ATP6V1B1: variants seen among roughly 807,000 people sequenced by gnomAD.
ATP6V1B1 encodes ATPase H+ transporting V1 subunit B1.
In ATP6V1B1, 41 loss-of-function variants were observed where a neutral mutation model predicts 62.1. The observed-to-expected ratio is 0.66, with a 90% CI of 0.51 to 0.86. ATP6V1B1 has a LOEUF of 0.86. ATP6V1B1 is among the 40% of genes least tolerant of loss of function. The pLI, the probability that ATP6V1B1 is intolerant of heterozygous loss-of-function variation, is 0.00. For missense variants in ATP6V1B1, 651 were observed against 697.5 expected, an observed-to-expected ratio of 0.93 and a Z score of 0.75; for synonymous variants, 253 against 273.4, an observed-to-expected ratio of 0.93 and a Z score of 0.74.
chr2:70,945,481 G>A (rs549187046), intron 2 of ATP6V1B1, among the ~76,000 whole-genome samples: 1 of 145,638 alleles, frequency 6.9e-6, no homozygotes, highest in African/African-American at 2.5e-5. Context: ...AGTTGGACAA[G>A]AGGATAGAGT....
chr2:70,946,938 G>A (rs1680190175), intron 2 of ATP6V1B1, among the ~76,000 whole-genome samples: 1 of 152,172 alleles, frequency 6.6e-6, no homozygotes, highest in African/African-American at 2.4e-5. Context: ...ATAATTGGGT[G>A]GTGGAGGCAC....
At position 70,943,648 on chromosome 2, in the gene ATP6V1B1, C is replaced by A; in HGVS notation, c.119-10C>A. On this transcript the variant is annotated splice_polypyrimidine_tract_variant and intron_variant, in intron 1 of 13. Coordinates refer to ENST00000234396, the MANE Select transcript of ATP6V1B1 (RefSeq NM_001692.4). ...GGTGAGACCCCTACTCACCCCCGCC[C>A]CTCCCCCAGCCTACAGGACTGTGTG... 6.2e-7 allele frequency: 1 copy of A among 1,613,626 alleles called. No homozygotes were observed. The highest frequency in any genetic ancestry group is 8.5e-7 in the Non-Finnish European group (1 of 1,179,854).
At chr2:70,955,878 T>C (rs1414212077) in intron 2 of ATP6V1B1, 1 of 154,502 alleles carries the variant, frequency 6.5e-6, no homozygotes, top group Non-Finnish European at 1.5e-5. Flanking sequence ...GAGTTAACAG[T>C]TTATTATAAT....
intron 1 of ATP6V1B1, among the ~76,000 whole-genome samples, chr2:70,942,598 G>A (rs1162227513): frequency 6.6e-6 from 1 of 152,238 alleles, no homozygotes; most frequent in Non-Finnish European, 1.5e-5. Context: ...GGTCCAGCAA[G>A]AAGCACAGGG....
chr2:70,963,944 T>C lies in ATP6V1B1; in HGVS notation c.1143+290T>C, dbSNP rs1338156099. 1 of 518,914 alleles carries C rather than the reference T, an allele frequency of 1.9e-6. No individual in the cohort carries two copies. Among genetic ancestry groups the C allele is most frequent in the African/African-American group, 1.9e-5 (1 of 52,268 alleles). The allele number at this position is 518,914 out of a possible 1,614,324, so 32.1% of individuals were successfully genotyped here. On this transcript the variant is annotated intron_variant, in intron 11 of 13. Transcript: ENST00000234396. The surrounding 1 kb of genome is among the most constrained non-coding windows in gnomAD (Gnocchi z 4.3). ...TATCACCCAGACGCATTGTGGAGGA[T>C]AAAAATAAGTTGGCATATAGAAAGC...
At chr2:70,943,424 C>G in intron 1 of ATP6V1B1, 1 of 663,760 alleles carries the variant, frequency 1.5e-6, no homozygotes, top group Non-Finnish European at 2.7e-6. Flanking sequence ...GGCCTCTGCC[C>G]TCTGCCTGGC....
rs1293649401 is a variant in ATP6V1B1, at chr2:70,965,214, GCCGCCCT to G, written c.*105_*111del. The G allele has an allele frequency of 6.6e-5, 102 of 1,543,402 alleles. No individual in the cohort carries two copies. The highest frequency in any genetic ancestry group is 8.6e-5 in the Non-Finnish European group (98 of 1,141,460). On this transcript the variant is annotated 3_prime_UTR_variant, in exon 14 of 14. Transcript: ENST00000234396. ...CGCCACCCCAACCAGCGGCTTCTGC[GCCGCCCT>G]CCGCCCTCCGCTGGCTCCGAGGTGG...
chr2:70,962,687 C>T, intron 8 of ATP6V1B1, 90 bp from the exon 9 acceptor site: 1 of 1,584,628 alleles, frequency 6.3e-7, no homozygotes, highest in Non-Finnish European at 8.6e-7. Context: ...ACAACACCAG[C>T]TTCCCAGTTC....
chr2:70,936,199 GCT>G, intron 1 of ATP6V1B1, 127 bp downstream of exon 1: 1 of 997,540 alleles, frequency 1.0e-6, no homozygotes, highest in Non-Finnish European at 1.5e-6. Context: ...GACCTGGAGG[GCT>G]CTCTGTCCAG....
At chr2:70,940,412 T>C (rs1032591038) in intron 1 of ATP6V1B1, 95 of 985,022 alleles carry the variant, frequency 9.6e-5, no homozygotes, top group Non-Finnish European at 1.1e-4. Context: ...GCGCAGCCCT[T>C]TGGCAGGTGT....
intron 4 of ATP6V1B1, 125 bp downstream of exon 4, chr2:70,958,551 G>A: frequency 1.1e-6 from 1 of 902,842 alleles, no homozygotes. Flanking sequence ...TCTCTGGTGG[G>A]CTCTTTGAGG....
chr2:70,943,974 A>T, intron 2 of ATP6V1B1: 1 of 975,576 alleles, frequency 1.0e-6, no homozygotes, highest in Non-Finnish European at 1.2e-6. Flanking sequence ...ACCTCCTACT[A>T]TCCCTAACAA....
At chr2:70,957,901 T>A (rs1203780624) in intron 2 of ATP6V1B1, 145 bp from the exon 3 acceptor site, 1 of 797,016 alleles carries the variant, frequency 1.3e-6, no homozygotes, top group East Asian at 2.7e-5. Context: ...AACTTTCACT[T>A]CCCAGCCCCT....
At chr2:70,945,814 G>T (rs1453798959) in intron 2 of ATP6V1B1, among the ~76,000 whole-genome samples, 1 of 147,264 alleles carries the variant, frequency 6.8e-6, no homozygotes. Flanking sequence ...CTGTAATTTT[G>T]TGCACAGATT....
chr2:70,940,214 A>T, intron 1 of ATP6V1B1: 3 of 266,418 alleles, frequency 1.1e-5, no homozygotes, highest in Non-Finnish European at 1.7e-5. Flanking sequence ...TCTACATGAC[A>T]GGGGCTGTGA....
chr2:70,949,785 A>G lies in ATP6V1B1; in HGVS notation c.174+6072A>G, dbSNP rs563036144. On this transcript the variant is annotated intron_variant, in intron 2 of 13. Coordinates refer to ENST00000234396, the MANE Select transcript of ATP6V1B1 (RefSeq NM_001692.4). ...GCTCCTTGTTTATTGCTCACAGGCT[A>G]TCTTTTGCAACAATAAATGAAACAA... 9.8e-5 allele frequency among the ~76,000 whole-genome samples: 15 copies of G among 152,288 alleles called. No homozygotes were observed. The South Asian group carries it at 3.1e-3, about 32-fold the overall frequency.
rs1008609911 is a variant in ATP6V1B1 at position 70,936,461 on chromosome 2, T to G, written c.118+389T>G. ...CCCAAGCACTCAGAGTCAGGCGGGG[T>G]GTGATTAAGTGTACTTGGAGTGGTG... On this transcript the variant is annotated intron_variant, in intron 1 of 13. Transcript: ENST00000234396. Among the ~76,000 whole-genome samples the G allele has an allele frequency of 4.0e-5, 6 of 151,254 alleles. No homozygotes were observed. In the South Asian group the frequency reaches 1.3e-3, roughly 32 times the overall value.
intron 2 of ATP6V1B1, chr2:70,944,180 TGATGGCCTCCAAA>T: frequency 7.8e-7 from 1 of 1,288,418 alleles, no homozygotes; most frequent in Non-Finnish European, 1.0e-6. Flanking sequence ...CTAGGGATCT[TGATGGCCTCCAAA>T]GGCCTTTGGA....
chr2:70,953,739 T>C (rs1380621270), intron 2 of ATP6V1B1, among the ~76,000 whole-genome samples: 1 of 152,232 alleles, frequency 6.6e-6, no homozygotes, highest in Non-Finnish European at 1.5e-5. Context: ...CAGTACCTTC[T>C]CTTCCTGGCT....
Sources: allele counts gnomAD v4.1 joint callset (sites outside exome capture counted in the v4.1 genomes callset), GRCh38; gene constraint gnomAD v4.1.1; non-coding constraint Gnocchi (gnomAD v3.1); transcripts MANE v1.5; gene names NCBI Gene and HGNC (gene_info 2026-07-23, HGNC 2026-07-21).